The following DNAH11 variants were observed in gnomAD, a reference collection of about 807,000 sequenced individuals.
DNAH11 encodes the protein dynein axonemal heavy chain 11, also known as axonemal beta dynein heavy chain 11.
DNAH11 carries 442 observed loss-of-function variants against 526.0 expected under a neutral mutation model. The ratio of observed to expected loss-of-function variants is 0.84; its 90% CI spans 0.78 to 0.91. The LOEUF is 0.91. DNAH11 is among the 40% of genes least tolerant of loss of function. The pLI, the probability that DNAH11 is intolerant of heterozygous loss-of-function variation, is 0.00. For synonymous variants in DNAH11, 2,461 were observed against 1,935.9 expected (o/e 1.27, Z -7.12); for missense variants, 6,989 against 5,448.7 (o/e 1.28, Z -8.90).
intron 67 of DNAH11, 94 bp from the exon 68 acceptor site, chr7:21,854,221 A>T: frequency 7.2e-7 from 1 of 1,384,326 alleles, no homozygotes; most frequent in Admixed American, 2.5e-5. Context: ...AATACTCATA[A>T]TTTTTCATTT....
intron 44 of DNAH11, 35 bp downstream of exon 44, chr7:21,720,891 A>G (rs1352487390): frequency 2.5e-6 from 4 of 1,602,850 alleles, no homozygotes; most frequent in Non-Finnish European, 2.6e-6. Flanking sequence ...ACCAGTTTCC[A>G]GTTTTGTGTG....
chr7:21,667,608 A>C (rs1303802024), intron 30 of DNAH11, among the ~76,000 whole-genome samples: 1 of 152,112 alleles, frequency 6.6e-6, no homozygotes, highest in Non-Finnish European at 1.5e-5. Context: ...TTTGTCACCC[A>C]TATATGCCAT....
intron 32 of DNAH11, among the ~76,000 whole-genome samples, chr7:21,686,354 G>T (rs931715905): frequency 6.6e-6 from 1 of 152,302 alleles, no homozygotes; most frequent in Non-Finnish European, 1.5e-5. Context: ...TAGACCTGCT[G>T]TCTGTACTAA....
rs1423951974 is a variant in DNAH11, at chr7:21,693,028, A to AT, written c.6041+2153dup. Among the ~76,000 whole-genome samples, 13 of 152,030 alleles carry AT rather than the reference A, an allele frequency of 8.6e-5. 1 individual carries two copies. The highest frequency in any genetic ancestry group is 6.5e-4 in the Admixed American group (10 of 15,270). On this transcript the variant is annotated intron_variant, in intron 35 of 81. Coordinates refer to ENST00000409508, the MANE Select transcript of DNAH11 (RefSeq NM_001277115.2). ...TTTGTTAGATACATACATTGCAAAT[A>AT]TTTTTTCTCTCAATTTGTGGCTTGC...
At position 21,683,917 on chromosome 7, in the gene DNAH11, G is replaced by T. The variant is rs749869317; in HGVS notation, c.5594G>T (p.Arg1865Leu). 6 of 1,613,492 alleles carry T rather than the reference G, an allele frequency of 3.7e-6. No homozygotes were observed. The highest frequency in any genetic ancestry group is 1.7e-4 in the Middle Eastern group (1 of 6,056). Residue 1865 changes from arginine (R) to leucine (L), a missense_variant, in exon 32 of 82, where the codon CGA becomes CTA. Arg to Leu is a moderately radical substitution (Grantham distance 102). Transcript: ENST00000409508. ...YFYEYLGNSP[R>L]LVITPLTDRC... ...TATGAATACTTAGGAAACAGCCCTC[G>T]ACTAGTGATCACTCCTCTAACTGAC...
chr7:21,678,131 A>G (rs1300152859), intron 30 of DNAH11, among the ~76,000 whole-genome samples: 1 of 149,336 alleles, frequency 6.7e-6, no homozygotes, highest in Non-Finnish European at 1.5e-5. Flanking sequence ...TGTCAAGTCC[A>G]AAAAATCATT....
At chr7:21,801,026 T>TG in intron 61 of DNAH11, 111 bp from the exon 62 acceptor site, 1 of 1,140,712 alleles carries the variant, frequency 8.8e-7, no homozygotes, top group South Asian at 1.4e-5. Context: ...CAAAGGTTAA[T>TG]GGGGGGAAGA....
intron 30 of DNAH11, among the ~76,000 whole-genome samples, chr7:21,677,923 T>C (rs961702309): frequency 1.3e-5 from 2 of 152,226 alleles, no homozygotes; most frequent in Non-Finnish European, 2.9e-5. Flanking sequence ...AATCAGCCTA[T>C]TTGTTGCCGT....
At chr7:21,561,448 A>T (rs1323460519) in intron 5 of DNAH11, 5 of 81,654 alleles carry the variant, frequency 6.1e-5, no homozygotes, top group Admixed American at 1.2e-4. Context: ...ATTCGGAGTT[A>T]AAAAAAAAAA....
chr7:21,676,568 A>C (rs1254600416), intron 30 of DNAH11, among the ~76,000 whole-genome samples: 1 of 152,230 alleles, frequency 6.6e-6, no homozygotes, highest in Non-Finnish European at 1.5e-5. Flanking sequence ...TCCCCAGCAT[A>C]TGATGCTGTG....
At chr7:21,772,877 A>T (rs550409351) in intron 55 of DNAH11, among the ~76,000 whole-genome samples, 31 of 152,140 alleles carry the variant, frequency 2.0e-4, no homozygotes, top group Non-Finnish European at 4.6e-4. Context: ...TTAATGGTGC[A>T]GGTTTGAAAT....
chr7:21,871,434 G>T (rs1490138842), intron 73 of DNAH11, among the ~76,000 whole-genome samples: 2 of 152,210 alleles, frequency 1.3e-5, no homozygotes, highest in African/African-American at 4.8e-5. Context: ...AAGTGTGCCT[G>T]TGCTCCACGA....
chr7:21,644,709 A>T (rs1201111636), intron 28 of DNAH11, among the ~76,000 whole-genome samples: 1 of 152,218 alleles, frequency 6.6e-6, no homozygotes, highest in Non-Finnish European at 1.5e-5. Context: ...GAAGCTGCTC[A>T]TGAAAGTGTA....
chr7:21,832,814 A>G (rs1198708625), intron 65 of DNAH11, among the ~76,000 whole-genome samples: 2 of 152,210 alleles, frequency 1.3e-5, no homozygotes, highest in African/African-American at 4.8e-5. Context: ...AGAAGAATAT[A>G]TGGCAGAGAT....
Position 21,899,944 on chromosome 7 carries a change from C to CTT in DNAH11, c.13163-33_13163-32dup, listed in dbSNP as rs778341436. The CTT allele has an allele frequency of 1.9e-6, 3 of 1,610,552 alleles. No homozygotes were observed. The East Asian group carries it at 6.7e-5, about 36-fold the overall frequency. On this transcript the variant is annotated intron_variant, in intron 80 of 81. Transcript: ENST00000409508. ...GCTCCCGGGAACCTTACATGCAACA[C>CTT]TTTTATCCTATTCAATTTTTGTTAT...
chr7:21,556,003 G>T (rs886942086), intron 2 of DNAH11, among the ~76,000 whole-genome samples: 1 of 152,192 alleles, frequency 6.6e-6, no homozygotes, highest in Non-Finnish European at 1.5e-5. Context: ...CTGGTAGGCA[G>T]GCACACCCGA....
chr7:21,863,431 G>A (rs1000266129), intron 69 of DNAH11, among the ~76,000 whole-genome samples: 9 of 152,118 alleles, frequency 5.9e-5, no homozygotes, highest in South Asian at 2.1e-4. Context: ...AGGTTCAAGC[G>A]ATTCTTCTGC....
At chr7:21,622,799 C>T (rs957589804) in intron 25 of DNAH11, among the ~76,000 whole-genome samples, 1 of 152,128 alleles carries the variant, frequency 6.6e-6, no homozygotes, top group Non-Finnish European at 1.5e-5. Context: ...CTTCCTTACA[C>T]CTTATACAAA....
chr7:21,698,431 C>T (rs1562495998), intron 36 of DNAH11, among the ~76,000 whole-genome samples: 1 of 152,078 alleles, frequency 6.6e-6, no homozygotes, highest in Non-Finnish European at 1.5e-5. Context: ...GAGGAGTGTA[C>T]ACAGTACCCA....
Sources: allele counts gnomAD v4.1 joint callset (sites outside exome capture counted in the v4.1 genomes callset), GRCh38; gene constraint gnomAD v4.1.1; transcripts MANE v1.5; gene names NCBI Gene and HGNC (gene_info 2026-07-23, HGNC 2026-07-21).